The following RHEB variants were observed in gnomAD, a reference collection of about 807,000 sequenced individuals.
RHEB encodes the protein Ras homolog, mTORC1 binding.
RHEB carries 2 observed loss-of-function variants against 28.8 expected under a neutral mutation model. The ratio of observed to expected loss-of-function variants is 0.07; its 90% CI spans 0.03 to 0.22. RHEB has a LOEUF of 0.22. Among genes scored for constraint, RHEB ranks in the 10% least tolerant of loss-of-function variants. RHEB has a pLI of 1.00. For synonymous variants in RHEB, 69 were observed against 77.3 expected (o/e 0.89, Z 0.56); for missense variants, 76 against 219.9 (o/e 0.35, Z 4.14).
chr7:151,476,812 A>G (rs1057093858), intron 4 of RHEB, among the ~76,000 whole-genome samples: 1 of 152,238 alleles, frequency 6.6e-6, no homozygotes, highest in South Asian at 2.1e-4. Context: ...CTGATAATAC[A>G]TGCCATCCCC....
intron 2 of RHEB, among the ~76,000 whole-genome samples, chr7:151,489,758 T>G (rs1490596407): frequency 6.6e-6 from 1 of 152,254 alleles, no homozygotes; most frequent in Non-Finnish European, 1.5e-5. Flanking sequence ...TTCATATAAT[T>G]TTCACATGCC....
chr7:151,489,497 C>T (rs755919406), intron 2 of RHEB, among the ~76,000 whole-genome samples: 6 of 152,178 alleles, frequency 3.9e-5, no homozygotes, highest in Non-Finnish European at 7.3e-5. Context: ...GTTTATCAAC[C>T]AACAGGTTTC....
intron 1 of RHEB, chr7:151,501,743 C>T (rs1802774846): frequency 4.3e-6 from 1 of 232,028 alleles, no homozygotes; most frequent in Admixed American, 5.5e-5. Context: ...GTGCTCCGCC[C>T]CTGGCGGAGG....
intron 1 of RHEB, chr7:151,502,741 G>A (rs1212968253): frequency 4.6e-5 from 72 of 1,557,848 alleles, no homozygotes; most frequent in Admixed American, 1.0e-4. Context: ...CGTTTTGCCC[G>A]TTTAAAAATG....
At chr7:151,491,273 G>A (rs752815284) in intron 1 of RHEB, among the ~76,000 whole-genome samples, 2 of 152,118 alleles carry the variant, frequency 1.3e-5, no homozygotes, top group Non-Finnish European at 2.9e-5. Context: ...TGACCAACAA[G>A]CACATCAGAT....
Position 151,519,858 on chromosome 7 carries a change from A to G in RHEB, c.-347T>C, listed in dbSNP as rs71539887. 864 of 208,290 alleles carry G rather than the reference A, an allele frequency of 4.1e-3. 5 individuals are homozygous for G. Among genetic ancestry groups the G allele is most frequent in the Non-Finnish European group, 6.3e-3 (653 of 104,230 alleles). The allele number at this position is 208,290 out of a possible 1,614,324, so 12.9% of individuals were successfully genotyped here. On this transcript the variant is annotated 5_prime_UTR_variant, in exon 1 of 8. Coordinates refer to ENST00000262187, the MANE Select transcript of RHEB (RefSeq NM_005614.4). ...AAGGGGACGCCGCGATGCCCCCAGA[A>G]AAGTCACGACTGAAACTCGCTGCGT...
At chr7:151,500,919 G>A (rs1802761876) in intron 1 of RHEB, among the ~76,000 whole-genome samples, 2 of 152,170 alleles carry the variant, frequency 1.3e-5, no homozygotes, top group Non-Finnish European at 2.9e-5. Context: ...GGGAGGTTGA[G>A]GCTGCAGCAA....
chr7:151,470,799 TG>T (rs1802147299), intron 6 of RHEB, 147 bp from the exon 7 acceptor site: 1 of 594,840 alleles, frequency 1.7e-6, no homozygotes, highest in Non-Finnish European at 3.0e-6. Context: ...GCATCAAGAA[TG>T]TAACACAGGA....
chr7:151,478,610 G>C (rs1802316286), intron 3 of RHEB, among the ~76,000 whole-genome samples: 1 of 152,012 alleles, frequency 6.6e-6, no homozygotes, highest in African/African-American at 2.4e-5. Flanking sequence ...AGGTATAATG[G>C]AGGAAAGAGC....
At chr7:151,475,012 A>G (rs1353274101) in intron 4 of RHEB, among the ~76,000 whole-genome samples, 1 of 152,240 alleles carries the variant, frequency 6.6e-6, no homozygotes, top group African/African-American at 2.4e-5. Flanking sequence ...AAGGCATATA[A>G]CAAAAGAAAA....
rs566193516 is a variant in RHEB, at chr7:151,513,936, T to G, written c.52+5524A>C. Among the ~76,000 whole-genome samples the G allele has an allele frequency of 5.3e-5, 8 of 152,308 alleles. No individual in the cohort carries two copies. The South Asian group carries it at 1.7e-3, about 32-fold the overall frequency. ...AATTCAATATGGAAATGCAAGGGAC[T>G]GAGAATACCCAAAAACATCTTCAGA... On this transcript the variant is annotated intron_variant, in intron 1 of 7. Transcript: ENST00000262187.
rs753114938 is a variant in RHEB, at chr7:151,519,550, C to G, written c.-39G>C. ...TCAGCCCCGGCCCAACCACATCAAC[C>G]GCGGCGGCGGTGGCTCCTGCTGCTG... On this transcript the variant is annotated 5_prime_UTR_variant, in exon 1 of 8. Transcript: ENST00000262187. 1 of 1,520,482 alleles carries G rather than the reference C, an allele frequency of 6.6e-7. No individual in the cohort carries two copies. Among genetic ancestry groups the G allele is most frequent in the Admixed American group, 1.9e-5 (1 of 52,668 alleles). The allele number at this position is 1,520,482 out of a possible 1,614,324, so 94.2% of individuals were successfully genotyped here. A position where few individuals can be genotyped will look rare whatever the true frequency, so the allele number is the denominator to read the frequency against.
At chr7:151,510,193 A>C (rs1416185899) in intron 1 of RHEB, among the ~76,000 whole-genome samples, 1 of 152,118 alleles carries the variant, frequency 6.6e-6, no homozygotes, top group Non-Finnish European at 1.5e-5. Context: ...TTTAAAGACA[A>C]TTCTCCCACC....
chr7:151,487,819 A>C (rs981172759), intron 2 of RHEB, among the ~76,000 whole-genome samples: 1 of 152,152 alleles, frequency 6.6e-6, no homozygotes, highest in African/African-American at 2.4e-5. Flanking sequence ...TCCATTTCCA[A>C]CCTAAACCCC....
Position 151,471,377 on chromosome 7 carries a change from T to G in RHEB, c.380+17A>C. 1 of 1,476,816 alleles carries G rather than the reference T, an allele frequency of 6.8e-7. No homozygotes were observed. Among genetic ancestry groups the G allele is most frequent in the Non-Finnish European group, 9.4e-7 (1 of 1,063,104 alleles). 91.5% of individuals were successfully genotyped at this position (1,476,816 alleles called of 1,614,324 possible). A position where few individuals can be genotyped will look rare whatever the true frequency, so the allele number is the denominator to read the frequency against. On this transcript the variant is annotated intron_variant, in intron 6 of 7. Coordinates refer to ENST00000262187, the MANE Select transcript of RHEB (RefSeq NM_005614.4). ...TGACTAAATCATCTTAGATTTGACTTTATAAAAGCTACATACCTTTCCATA... is the reference window on the plus strand; with the variant it reads ...TGACTAAATCATCTTAGATTTGACTGTATAAAAGCTACATACCTTTCCATA...
At chr7:151,493,884 T>TAGA (rs900061912) in intron 1 of RHEB, among the ~76,000 whole-genome samples, 1 of 151,746 alleles carries the variant, frequency 6.6e-6, no homozygotes, top group African/African-American at 2.4e-5. Flanking sequence ...ACTGAAAAAT[T>TAGA]AGAAGGAGTA....
At chr7:151,477,947 G>A (rs75632282) in intron 3 of RHEB, among the ~76,000 whole-genome samples, 3,124 of 152,134 alleles carry the variant, frequency 0.021, 48 homozygotes, top group Non-Finnish European at 0.032. Context: ...GGGGGAGAGA[G>A]AGAGAAACAG....
At chr7:151,505,680 C>A (rs1802859884) in intron 1 of RHEB, among the ~76,000 whole-genome samples, 1 of 152,142 alleles carries the variant, frequency 6.6e-6, no homozygotes, top group African/African-American at 2.4e-5. Flanking sequence ...GACTGTGTGT[C>A]CACGAAGACA....
chr7:151,472,683 T>C lies in RHEB; in HGVS notation c.276-1078A>G, dbSNP rs537357441. Among the ~76,000 whole-genome samples the C allele has an allele frequency of 6.6e-6, 1 of 152,314 alleles. No homozygotes were observed. Among genetic ancestry groups the C allele is most frequent in the Admixed American group, 6.5e-5 (1 of 15,300 alleles). ...CGCATGTGTGTCGTTTTACTGTTTG[T>C]CTCCCACACCAGAAATAATAGGTCC... On this transcript the variant is annotated intron_variant, in intron 4 of 7. Coordinates refer to ENST00000262187, the MANE Select transcript of RHEB (RefSeq NM_005614.4). This position sits in a 1 kb window ranked among gnomAD's most constrained non-coding sequence, Gnocchi z 5.2.
Sources: allele counts gnomAD v4.1 joint callset (sites outside exome capture counted in the v4.1 genomes callset), GRCh38; gene constraint gnomAD v4.1.1; non-coding constraint Gnocchi (gnomAD v3.1); transcripts MANE v1.5; gene names NCBI Gene and HGNC (gene_info 2026-07-23, HGNC 2026-07-21).